NAALADL2: variants seen among roughly 807,000 people sequenced by gnomAD.
NAALADL2 encodes inactive N-acetylated-alpha-linked acidic dipeptidase-like protein 2.
NAALADL2 carries 76 observed loss-of-function variants against 87.2 expected under a neutral mutation model. The ratio of observed to expected loss-of-function variants is 0.87; its 90% CI spans 0.72 to 1.05. The LOEUF (loss-of-function observed/expected upper bound fraction) is 1.05, where lower values mean the gene tolerates loss of function less well. Ranked by LOEUF, NAALADL2 falls within the 50% of genes least tolerant of loss-of-function variation. The pLI is 0.00. For missense variants in NAALADL2, 1,089 were observed against 945.8 expected (o/e 1.15, Z -1.99); for synonymous variants, 354 against 331.0 (o/e 1.07, Z -0.75).
intron 2 of NAALADL2, among the ~76,000 whole-genome samples, chr3:175,177,594 AATT>A (rs1209184544): frequency 4.6e-5 from 7 of 152,132 alleles, no homozygotes; most frequent in African/African-American, 1.7e-4. Context: ...TAAATATACT[AATT>A]ATTGTTACAA....
At chr3:175,633,569 G>T (rs1728100894) in intron 11 of NAALADL2, among the ~76,000 whole-genome samples, 1 of 151,768 alleles carries the variant, frequency 6.6e-6, no homozygotes, top group African/African-American at 2.4e-5. Flanking sequence ...CACCTCAAAT[G>T]CTCTATAGTA....
chr3:175,426,232 A>G (rs1299779008), intron 5 of NAALADL2, among the ~76,000 whole-genome samples: 4 of 152,070 alleles, frequency 2.6e-5, no homozygotes, highest in Non-Finnish European at 5.9e-5. Context: ...ACGTGGTGGC[A>G]GGTGCCTCTA....
chr3:174,692,656 C>T (rs1158310162), intron 2 of NAALADL2, among the ~76,000 whole-genome samples: 2 of 152,034 alleles, frequency 1.3e-5, no homozygotes, highest in East Asian at 3.9e-4. Flanking sequence ...GTTCGGAAAC[C>T]TCTATACTAG....
intron 2 of NAALADL2, among the ~76,000 whole-genome samples, chr3:174,554,179 A>G (rs888557060): frequency 3.3e-5 from 5 of 152,062 alleles, no homozygotes; most frequent in Non-Finnish European, 2.9e-5. Flanking sequence ...AAAATTAACC[A>G]TTCTTCCACC....
chr3:174,861,081 A>T (rs1726428832), intron 1 of NAALADL2, among the ~76,000 whole-genome samples: 1 of 152,214 alleles, frequency 6.6e-6, no homozygotes, highest in East Asian at 1.9e-4. Context: ...TTGTGAAATC[A>T]GTTATATACT....
intron 2 of NAALADL2, among the ~76,000 whole-genome samples, chr3:174,605,752 A>G (rs568685169): frequency 6.6e-6 from 1 of 152,298 alleles, no homozygotes; most frequent in African/African-American, 2.4e-5. Context: ...CAGACAAAAA[A>G]AAAAGGACAG....
chr3:175,033,955 C>A (rs933585372), intron 1 of NAALADL2, among the ~76,000 whole-genome samples: 12 of 151,862 alleles, frequency 7.9e-5, no homozygotes, highest in Admixed American at 4.6e-4. Flanking sequence ...ATTTCTAAAG[C>A]AAAACGTATG....
chr3:175,218,867 G>A (rs188634973), intron 2 of NAALADL2, among the ~76,000 whole-genome samples: 125 of 151,724 alleles, frequency 8.2e-4, no homozygotes, highest in African/African-American at 2.9e-3. Flanking sequence ...GTGCAATCGC[G>A]CAATCTCAGC....
At chr3:174,764,997 GT>G (rs375304395) in intron 3 of NAALADL2, among the ~76,000 whole-genome samples, 5 of 150,516 alleles carry the variant, frequency 3.3e-5, no homozygotes, top group African/African-American at 1.2e-4. Context: ...TTCTACCTTT[GT>G]TTTTTTTTCT....
intron 10 of NAALADL2, among the ~76,000 whole-genome samples, chr3:175,596,413 G>A (rs947828269): frequency 6.6e-6 from 1 of 151,888 alleles, no homozygotes; most frequent in Non-Finnish European, 1.5e-5. Flanking sequence ...TGCAACCATA[G>A]ACTCTCACAG....
intron 10 of NAALADL2, among the ~76,000 whole-genome samples, chr3:175,616,335 A>C (rs1257978602): frequency 6.7e-6 from 1 of 150,146 alleles, no homozygotes; most frequent in Non-Finnish European, 1.5e-5. Context: ...AAATATAATA[A>C]ATAACATTAT....
chr3:174,870,817 AAAT>A (rs1323734576), intron 1 of NAALADL2, among the ~76,000 whole-genome samples: 21 of 152,184 alleles, frequency 1.4e-4, no homozygotes, highest in African/African-American at 3.1e-4. Context: ...TTACTTAAAA[AAAT>A]AATATTTTAT....
chr3:175,756,054 G>C (rs1045416916), intron 13 of NAALADL2, among the ~76,000 whole-genome samples: 2 of 152,042 alleles, frequency 1.3e-5, no homozygotes, highest in Non-Finnish European at 2.9e-5. Context: ...AAGAAAACAT[G>C]AAGTTTAAAA....
intron 1 of NAALADL2, among the ~76,000 whole-genome samples, chr3:175,052,188 C>T (rs1319642642): frequency 6.6e-6 from 1 of 152,242 alleles, no homozygotes; most frequent in Non-Finnish European, 1.5e-5. Flanking sequence ...GCACAGATCA[C>T]TCATGCTATT....
chr3:175,048,132 C>T (rs1014186916), intron 1 of NAALADL2, among the ~76,000 whole-genome samples: 3 of 152,150 alleles, frequency 2.0e-5, no homozygotes, highest in Non-Finnish European at 4.4e-5. Flanking sequence ...TTGAAAGCTA[C>T]ATTTTTTATT....
In NAALADL2 at chr3:175,803,563, C is replaced by A; in HGVS notation, c.*360C>A. 6.2e-6 allele frequency: 1 copy of A among 160,258 alleles called. No homozygotes were observed. Among genetic ancestry groups the A allele is most frequent in the Non-Finnish European group, 1.4e-5 (1 of 73,014 alleles). 9.9% of individuals were successfully genotyped at this position (160,258 alleles called of 1,614,324 possible). On this transcript the variant is annotated 3_prime_UTR_variant, in exon 14 of 14. Transcript: ENST00000454872. ...GGCATATAGGAACACAGTTTATTCT[C>A]TCTGATAGAGCTATTAATGACTTAG...
chr3:175,489,766 T>C (rs963155384), intron 9 of NAALADL2, among the ~76,000 whole-genome samples: 1 of 152,192 alleles, frequency 6.6e-6, no homozygotes, highest in Non-Finnish European at 1.5e-5. Flanking sequence ...CTTCTACTCC[T>C]TGTAGAAGAG....
chr3:174,584,019 A>T (rs1282799448), intron 2 of NAALADL2, among the ~76,000 whole-genome samples: 8 of 152,294 alleles, frequency 5.3e-5, no homozygotes, highest in Admixed American at 3.3e-4. Flanking sequence ...ATCATTATCT[A>T]AAAAGGGCAT....
intron 3 of NAALADL2, among the ~76,000 whole-genome samples, chr3:174,827,513 G>T (rs981559995): frequency 2.0e-5 from 3 of 152,140 alleles, no homozygotes; most frequent in African/African-American, 7.2e-5. Context: ...TTTGGTGTCT[G>T]TTCATCTTGT....
Sources: allele counts gnomAD v4.1 joint callset (sites outside exome capture counted in the v4.1 genomes callset), GRCh38; gene constraint gnomAD v4.1.1; transcripts MANE v1.5; gene names NCBI Gene and HGNC (gene_info 2026-07-23, HGNC 2026-07-21).